Variants in ETFA observed in about 807,000 individuals in gnomAD.
ETFA encodes electron transfer flavoprotein subunit alpha.
ETFA carries 22 observed loss-of-function variants against 46.2 expected under a neutral mutation model. That is an observed-to-expected ratio of 0.48 (90% CI 0.34 to 0.68). The LOEUF (loss-of-function observed/expected upper bound fraction) is 0.68. Among genes scored for constraint, ETFA ranks in the 30% least tolerant of loss-of-function variants. The pLI is 0.01. For synonymous variants in ETFA, 131 were observed against 139.9 expected, an observed-to-expected ratio of 0.94 and a Z score of 0.45; for missense variants, 345 against 401.1, an observed-to-expected ratio of 0.86 and a Z score of 1.19.
chr15:76,235,360 T>C (rs1020766345), intron 9 of ETFA, among the ~76,000 whole-genome samples: 1 of 152,204 alleles, frequency 6.6e-6, no homozygotes, highest in African/African-American at 2.4e-5. Flanking sequence ...GGCACCACTC[T>C]TAACAGTCAC....
chr15:76,283,981 CCTATACTT>C (rs2039680675), intron 7 of ETFA, 156 bp from the exon 8 acceptor site: 1 of 616,234 alleles, frequency 1.6e-6, no homozygotes, highest in Non-Finnish European at 2.9e-6. Context: ...CTCTGACACT[CCTATACTT>C]CTATAAAGCA....
intron 9 of ETFA, among the ~76,000 whole-genome samples, chr15:76,265,307 C>T (rs576451691): frequency 1.4e-4 from 22 of 152,304 alleles, no homozygotes; most frequent in Admixed American, 5.9e-4. Flanking sequence ...TCCTCGACTC[C>T]GTGGTCTGCC....
intron 11 of ETFA, among the ~76,000 whole-genome samples, chr15:76,218,326 G>A (rs1425770188): frequency 8.5e-5 from 13 of 152,142 alleles, no homozygotes; most frequent in African/African-American, 3.1e-4. Context: ...GGAGTGCAAT[G>A]GCGCAGTCTC....
chr15:76,260,218 T>C, intron 9 of ETFA: 3 of 1,327,350 alleles, frequency 2.3e-6, no homozygotes, highest in Non-Finnish European at 3.3e-6. Context: ...ATGCCCAAGC[T>C]TTCCAATGTG....
intron 10 of ETFA, chr15:76,228,223 G>T (rs2039025199): frequency 2.8e-6 from 1 of 351,600 alleles, no homozygotes; most frequent in Non-Finnish European, 5.5e-6. Context: ...GTCTCATTGT[G>T]TTGCTCAGGC....
At chr15:76,225,277 T>C (rs2038992855) in intron 11 of ETFA, among the ~76,000 whole-genome samples, 1 of 152,072 alleles carries the variant, frequency 6.6e-6, no homozygotes, top group Non-Finnish European at 1.5e-5. Context: ...AAAAACCATG[T>C]GGGTTTTTTT....
chr15:76,216,321 T>C lies in ETFA; in HGVS notation c.*238A>G. The C allele has an allele frequency of 2.1e-6, 1 of 467,000 alleles. No homozygotes were observed. The highest frequency in any genetic ancestry group is 3.8e-6 in the Non-Finnish European group (1 of 264,818). The allele number at this position is 467,000 out of a possible 1,614,324, so 28.9% of individuals were successfully genotyped here. A position where few individuals can be genotyped will look rare whatever the true frequency, so the allele number is the denominator to read the frequency against. The stretch of plus-strand genomic sequence containing the variant: ...GTTTTAAAGCTGTGGAAAAGCTTTA[T>C]TATAGATTTTAGTACAGAATTTAAA... On this transcript the variant is annotated 3_prime_UTR_variant, in exon 12 of 12. Transcript: ENST00000557943.
At chr15:76,220,393 C>T (rs899051008) in intron 11 of ETFA, among the ~76,000 whole-genome samples, 1 of 152,144 alleles carries the variant, frequency 6.6e-6, no homozygotes, top group African/African-American at 2.4e-5. Flanking sequence ...TATGAGACTT[C>T]AAGCATAAGC....
At chr15:76,235,306 C>T (rs2039112073) in intron 9 of ETFA, among the ~76,000 whole-genome samples, 1 of 152,180 alleles carries the variant, frequency 6.6e-6, no homozygotes. Context: ...TCAGGACTAC[C>T]ATGTACAGCT....
Position 76,281,958 on chromosome 15 carries a change from C to T in ETFA, c.733+1799G>A, listed in dbSNP as rs143984136. On this transcript the variant is annotated intron_variant, in intron 8 of 11. Coordinates refer to ENST00000557943, the MANE Select transcript of ETFA (RefSeq NM_000126.4). ...TCACTCTGTTACCCAGGCTGGAGTACAGTGGCACAGTCTCAGCTTACTGCA... is the reference window on the plus strand; with the variant it reads ...TCACTCTGTTACCCAGGCTGGAGTATAGTGGCACAGTCTCAGCTTACTGCA... Among the ~76,000 whole-genome samples the T allele has an allele frequency of 4.8e-5, 6 of 125,844 alleles. No homozygotes were observed. The East Asian group carries it at 1.6e-3, about 34-fold the overall frequency. The allele number at this position is 125,844 out of a possible 152,430, so 82.6% of individuals were successfully genotyped here. A position where few individuals can be genotyped will look rare whatever the true frequency, so the allele number is the denominator to read the frequency against.
chr15:76,273,716 T>A (rs1362030928), intron 9 of ETFA, among the ~76,000 whole-genome samples: 1 of 132,580 alleles, frequency 7.5e-6, no homozygotes, highest in East Asian at 2.1e-4. Context: ...TGCATATTGT[T>A]TTGAAATATA....
rs1322460225 is a variant in ETFA at position 76,283,843 on chromosome 15, A to G, written c.665-18T>C. ...GCCTCGACCTCATTTAAAAAGATGA[A>G]AAAAAAAAATTAGGCAAACATCAAA... On this transcript the variant is annotated intron_variant, in intron 7 of 11. Coordinates refer to ENST00000557943, the MANE Select transcript of ETFA (RefSeq NM_000126.4). 3.8e-6 allele frequency: 6 copies of G among 1,582,850 alleles called. No individual in the cohort carries two copies. The highest frequency in any genetic ancestry group is 5.2e-6 in the Non-Finnish European group (6 of 1,156,202).
At chr15:76,267,442 A>G (rs1159350002) in intron 9 of ETFA, among the ~76,000 whole-genome samples, 1 of 152,226 alleles carries the variant, frequency 6.6e-6, no homozygotes, top group East Asian at 1.9e-4. Context: ...TTTTGTTGGC[A>G]TTCTTGATAA....
chr15:76,302,719 T>C (rs2039892352), intron 1 of ETFA, among the ~76,000 whole-genome samples: 2 of 152,204 alleles, frequency 1.3e-5, no homozygotes, highest in South Asian at 2.1e-4. Flanking sequence ...TTGTAACAAA[T>C]GGACAACTCT....
intron 9 of ETFA, among the ~76,000 whole-genome samples, chr15:76,263,970 C>T (rs925279984): frequency 3.3e-5 from 5 of 152,212 alleles, no homozygotes; most frequent in African/African-American, 4.8e-5. Context: ...GAAAAACTTA[C>T]TCCTCCTGTA....
chr15:76,270,289 G>A (rs973670923), intron 9 of ETFA, among the ~76,000 whole-genome samples: 4 of 152,120 alleles, frequency 2.6e-5, no homozygotes, highest in Admixed American at 6.5e-5. Flanking sequence ...TACTGGCAGG[G>A]TCTAGGTTTC....
At chr15:76,237,381 C>T (rs1056169832) in intron 9 of ETFA, among the ~76,000 whole-genome samples, 3 of 152,054 alleles carry the variant, frequency 2.0e-5, no homozygotes, top group Non-Finnish European at 4.4e-5. Flanking sequence ...TAACCTCAAA[C>T]ACATATTAGA....
chr15:76,287,547 T>G (rs2039714984), intron 5 of ETFA, among the ~76,000 whole-genome samples: 1 of 152,106 alleles, frequency 6.6e-6, no homozygotes, highest in South Asian at 2.1e-4. Context: ...AAGTTTTGCT[T>G]TTCCAGGTAC....
chr15:76,305,981 G>A lies in ETFA; in HGVS notation c.39+5369C>T, dbSNP rs138497043. ...TCCTGCCTCAGCCACATGAGTAGCTGTGACTACAGGCACATGACACTGTGC... is the reference window on the plus strand; with the variant it reads ...TCCTGCCTCAGCCACATGAGTAGCTATGACTACAGGCACATGACACTGTGC... On this transcript the variant is annotated intron_variant, in intron 1 of 11. Coordinates refer to ENST00000557943, the MANE Select transcript of ETFA (RefSeq NM_000126.4). Among the ~76,000 whole-genome samples, 13 of 151,824 alleles carry A rather than the reference G, an allele frequency of 8.6e-5. No homozygotes were observed. In the East Asian group the frequency reaches 2.5e-3, roughly 29 times the overall value.
Sources: allele counts gnomAD v4.1 joint callset (sites outside exome capture counted in the v4.1 genomes callset), GRCh38; gene constraint gnomAD v4.1.1; transcripts MANE v1.5; gene names NCBI Gene and HGNC (gene_info 2026-07-23, HGNC 2026-07-21).